Variants in LSAMP observed in about 807,000 individuals in gnomAD.
LSAMP encodes the protein limbic system-associated membrane protein.
In LSAMP, 7 loss-of-function variants were observed where a neutral mutation model predicts 38.6. The observed-to-expected ratio is 0.18, with a 90% CI of 0.10 to 0.34. The LOEUF (loss-of-function observed/expected upper bound fraction) is 0.34. Ranked by LOEUF, LSAMP falls within the 10% of genes least tolerant of loss-of-function variation. LSAMP has a pLI of 1.00. For missense variants in LSAMP, 313 were observed against 420.0 expected (o/e 0.75, Z 2.23); for synonymous variants, 154 against 166.8 (o/e 0.92, Z 0.59).
At chr3:115,904,940 C>G (rs1936972779) in intron 3 of LSAMP, among the ~76,000 whole-genome samples, 1 of 152,106 alleles carries the variant, frequency 6.6e-6, no homozygotes. Context: ...CTTCACAATA[C>G]CTATCCCATC....
rs199877111 is a variant in LSAMP at position 116,163,876 on chromosome 3, CAAAA to C, written c.156-77324_156-77321del. 4.6e-5 allele frequency among the ~76,000 whole-genome samples: 7 copies of C among 151,158 alleles called. No individual in the cohort carries two copies. The East Asian group carries it at 5.8e-4, about 13-fold the overall frequency. Reference sequence around the variant, plus strand: ...TTAAAGATTTTTCCTTAAAAAAACACAAAAAAAACGAATAAGATCACACATATAT... The same window carrying C: ...TTAAAGATTTTTCCTTAAAAAAACACAAAACGAATAAGATCACACATATAT... On this transcript the variant is annotated intron_variant, in intron 1 of 6. Transcript: ENST00000490035.
intron 1 of LSAMP, among the ~76,000 whole-genome samples, chr3:116,277,922 G>C (rs1442649941): frequency 2.0e-5 from 3 of 152,082 alleles, no homozygotes; most frequent in Non-Finnish European, 4.4e-5. Flanking sequence ...TTGCATATTA[G>C]TACTGTAATA....
chr3:116,403,863 AC>A (rs1431218689), intron 1 of LSAMP, among the ~76,000 whole-genome samples: 1 of 151,692 alleles, frequency 6.6e-6, no homozygotes, highest in Non-Finnish European at 1.5e-5. Flanking sequence ...CAATCCTCCA[AC>A]CTTAGCCTTC....
At chr3:116,229,527 T>A (rs970570669) in intron 1 of LSAMP, among the ~76,000 whole-genome samples, 2 of 152,136 alleles carry the variant, frequency 1.3e-5, no homozygotes, top group Admixed American at 1.3e-4. Context: ...ACACTTATAA[T>A]TTGTGTTTAA....
intron 2 of LSAMP, among the ~76,000 whole-genome samples, chr3:116,080,954 G>C (rs1707857648): frequency 6.6e-6 from 1 of 152,110 alleles, no homozygotes. Context: ...TGCAACATGA[G>C]TTTATTAAGA....
chr3:115,856,022 G>T (rs1201692983), intron 3 of LSAMP, among the ~76,000 whole-genome samples: 1 of 152,148 alleles, frequency 6.6e-6, no homozygotes, highest in Non-Finnish European at 1.5e-5. Flanking sequence ...CCAATTCACA[G>T]AAATTTAACA....
At chr3:116,235,297 G>A (rs1169866646) in intron 1 of LSAMP, among the ~76,000 whole-genome samples, 1 of 151,954 alleles carries the variant, frequency 6.6e-6, no homozygotes, top group African/African-American at 2.4e-5. Context: ...AAAATATTTT[G>A]TAGAGACAGG....
chr3:115,819,359 T>A (rs1934151419), intron 6 of LSAMP, among the ~76,000 whole-genome samples: 1 of 151,430 alleles, frequency 6.6e-6, no homozygotes, highest in African/African-American at 2.4e-5. Context: ...CGCTTGAACC[T>A]GGAGGGTGGA....
chr3:116,265,533 T>C (rs1008359836), intron 1 of LSAMP, among the ~76,000 whole-genome samples: 1 of 152,186 alleles, frequency 6.6e-6, no homozygotes, highest in Non-Finnish European at 1.5e-5. Context: ...GTCCTGCTGC[T>C]CTGGCCATAA....
At chr3:116,108,336 A>C (rs1454076999) in intron 1 of LSAMP, among the ~76,000 whole-genome samples, 2 of 152,136 alleles carry the variant, frequency 1.3e-5, no homozygotes, top group Non-Finnish European at 2.9e-5. Context: ...GGAGTGCTTA[A>C]AAGAGTACTG....
At chr3:116,298,432 A>G (rs1472653868) in intron 1 of LSAMP, among the ~76,000 whole-genome samples, 1 of 152,140 alleles carries the variant, frequency 6.6e-6, no homozygotes, top group Middle Eastern at 3.2e-3. Flanking sequence ...AAGGGGGAAA[A>G]AAAAAACTGG....
intron 1 of LSAMP, among the ~76,000 whole-genome samples, chr3:116,135,858 C>G (rs1223955366): frequency 1.3e-5 from 2 of 152,166 alleles, no homozygotes; most frequent in South Asian, 2.1e-4. Flanking sequence ...TCCACAGGCT[C>G]AGGCAGGCTG....
chr3:116,370,495 A>G (rs1212537601), intron 1 of LSAMP, among the ~76,000 whole-genome samples: 2 of 152,170 alleles, frequency 1.3e-5, no homozygotes, highest in Non-Finnish European at 2.9e-5. Flanking sequence ...ATTTTGTCCA[A>G]TCTCATCAAT....
intron 1 of LSAMP, among the ~76,000 whole-genome samples, chr3:116,346,052 C>A (rs892744556): frequency 1.3e-5 from 2 of 152,182 alleles, no homozygotes; most frequent in Non-Finnish European, 2.9e-5. Context: ...AGGGTATATT[C>A]TACCAATTAA....
intron 1 of LSAMP, among the ~76,000 whole-genome samples, chr3:116,430,932 C>A (rs993310922): frequency 2.0e-5 from 3 of 151,620 alleles, no homozygotes; most frequent in African/African-American, 7.3e-5. Context: ...TGTTTTTCAT[C>A]TTCCTTTCTT....
intron 1 of LSAMP, among the ~76,000 whole-genome samples, chr3:116,368,559 C>T (rs1397305750): frequency 6.6e-6 from 1 of 152,200 alleles, no homozygotes; most frequent in Non-Finnish European, 1.5e-5. Context: ...CATGAAGAGT[C>T]TTTGGTTGGA....
At chr3:116,166,916 A>G (rs1229242045) in intron 1 of LSAMP, among the ~76,000 whole-genome samples, 7 of 148,768 alleles carry the variant, frequency 4.7e-5, no homozygotes, top group East Asian at 4.0e-4. Context: ...TCAGCCTCCC[A>G]AGTAGCTAGG....
chr3:116,385,965 T>C (rs569029016), intron 1 of LSAMP, among the ~76,000 whole-genome samples: 7 of 152,046 alleles, frequency 4.6e-5, no homozygotes, highest in South Asian at 2.1e-4. Context: ...AACCACCATT[T>C]ACAGAGTAAC....
In LSAMP at chr3:116,265,003, A is replaced by C. The variant is rs1903435; in HGVS notation, c.156-178447T>G. ...TTTGGTTTTTCCTGTGAGCAGCCTC[A>C]TCCTGAGGCTCTCTAGAGGCTCCTT... On this transcript the variant is annotated intron_variant, in intron 1 of 6. Coordinates refer to ENST00000490035, the MANE Select transcript of LSAMP (RefSeq NM_002338.5). Among the ~76,000 whole-genome samples, 4 of 152,240 alleles carry C rather than the reference A, an allele frequency of 2.6e-5. 1 individual carries two copies. The highest frequency in any genetic ancestry group is 9.6e-5 in the African/African-American group (4 of 41,526).
Sources: gnomAD v4.1 joint callset for allele counts (sites outside exome capture counted in the v4.1 genomes callset) on GRCh38, gnomAD v4.1.1 for gene constraint, MANE v1.5 for transcripts, NCBI Gene and HGNC (gene_info 2026-07-23, HGNC 2026-07-21) for gene names.